Variants in AGPAT5 observed in about 807,000 individuals in gnomAD.
AGPAT5 encodes the protein 1-acylglycerol-3-phosphate O-acyltransferase 5.
AGPAT5 carries 46 observed loss-of-function variants against 45.6 expected under a neutral mutation model. The observed-to-expected ratio is 1.01, with a 90% CI of 0.80 to 1.29. The LOEUF (loss-of-function observed/expected upper bound fraction) is 1.29. Ranked by LOEUF, AGPAT5 falls within the 50% of genes most tolerant of loss-of-function variation. The pLI is 0.00. For synonymous variants in AGPAT5, 272 were observed against 167.0 expected (o/e 1.63, Z -4.85); for missense variants, 673 against 450.7 (o/e 1.49, Z -4.47).
chr8:6,720,212 A>C (rs909117194), intron 1 of AGPAT5, among the ~76,000 whole-genome samples: 5 of 152,112 alleles, frequency 3.3e-5, no homozygotes, highest in African/African-American at 1.2e-4. Context: ...CAGCTAACCG[A>C]GGGCTTATCG....
chr8:6,728,886 G>A (rs180783473), intron 2 of AGPAT5, among the ~76,000 whole-genome samples: 2 of 152,126 alleles, frequency 1.3e-5, no homozygotes, highest in Non-Finnish European at 2.9e-5. Flanking sequence ...GCTAGGGAGA[G>A]GGCTTCAACA....
intron 4 of AGPAT5, among the ~76,000 whole-genome samples, chr8:6,736,645 T>G (rs1353708772): frequency 6.6e-6 from 1 of 152,260 alleles, no homozygotes; most frequent in Non-Finnish European, 1.5e-5. Flanking sequence ...AGTGTCTTTC[T>G]CCGGAGAACA....
chr8:6,740,209 A>T (rs1046044267), intron 4 of AGPAT5, among the ~76,000 whole-genome samples: 3 of 152,044 alleles, frequency 2.0e-5, no homozygotes, highest in African/African-American at 7.2e-5. Flanking sequence ...TAATCGTTTT[A>T]TTTATAAATG....
At chr8:6,746,282 C>G (rs1801461393) in intron 5 of AGPAT5, 1 of 152,218 alleles carries the variant, frequency 6.6e-6, no homozygotes, top group Non-Finnish European at 1.5e-5. Flanking sequence ...TTCCTCTTGG[C>G]CATTCCCCTT....
intron 1 of AGPAT5, among the ~76,000 whole-genome samples, chr8:6,714,411 A>G (rs1800254330): frequency 2.0e-5 from 3 of 152,234 alleles, no homozygotes; most frequent in Admixed American, 1.3e-4. Flanking sequence ...GAACTGCTTA[A>G]CTTACTAGAC....
In AGPAT5 at chr8:6,730,318, C is replaced by CTTTTTTTTTTTT. The variant is rs1238035929; in HGVS notation, c.290-374_290-363dup. On this transcript the variant is annotated intron_variant, in intron 2 of 7. Coordinates refer to ENST00000285518, the MANE Select transcript of AGPAT5 (RefSeq NM_018361.5). ...AATTTTAAACATCCTAATCATAGGA[C>CTTTTTTTTTTTT]TTTTTTTTTTTTTTTTTTTTTTTTT... Among the ~76,000 whole-genome samples the CTTTTTTTTTTTT allele has an allele frequency of 6.8e-5, 2 of 29,534 alleles. 1 individual carries two copies. Among genetic ancestry groups the CTTTTTTTTTTTT allele is most frequent in the Non-Finnish European group, 1.0e-4 (2 of 19,208 alleles). 19.4% of individuals were successfully genotyped at this position (29,534 alleles called of 152,430 possible).
chr8:6,747,621 G>A lies in AGPAT5; in HGVS notation c.587-49G>A, dbSNP rs183114257. Reference sequence around the variant, plus strand: ...TAATTTAGATGTTAAACAGTATATTGTGGAGGTGTTTTGTAACTAATTAAT... The same window carrying A: ...TAATTTAGATGTTAAACAGTATATTATGGAGGTGTTTTGTAACTAATTAAT... On this transcript the variant is annotated intron_variant, in intron 5 of 7. Coordinates refer to ENST00000285518, the MANE Select transcript of AGPAT5 (RefSeq NM_018361.5). 2.5e-3 allele frequency: 3,875 copies of A among 1,531,494 alleles called. 118 individuals are homozygous for A. The South Asian group carries it at 0.042, about 17-fold the overall frequency. 94.9% of individuals were successfully genotyped at this position (1,531,494 alleles called of 1,614,324 possible).
At position 6,719,436 on chromosome 8, in the gene AGPAT5, C is replaced by CT. The variant is rs373802039; in HGVS notation, c.220-5432dup. Among the ~76,000 whole-genome samples, 284 of 152,290 alleles carry CT rather than the reference C, an allele frequency of 1.9e-3. 2 individuals are homozygous for CT. Among genetic ancestry groups the CT allele is most frequent in the African/African-American group, 6.6e-3 (274 of 41,566 alleles). The stretch of plus-strand genomic sequence containing the variant: ...GATGAAAAGATTAGAAACATAAAGC[C>CT]TTCCATCACAATTCCCACCCGGAAC... On this transcript the variant is annotated intron_variant, in intron 1 of 7. Coordinates refer to ENST00000285518, the MANE Select transcript of AGPAT5 (RefSeq NM_018361.5).
rs1005399435 is a variant in AGPAT5, at chr8:6,761,393, C to G, written c.*4005C>G. Among the ~76,000 whole-genome samples the G allele has an allele frequency of 2.6e-5, 4 of 152,050 alleles. No homozygotes were observed. Among genetic ancestry groups the G allele is most frequent in the African/African-American group, 9.7e-5 (4 of 41,434 alleles). On this transcript the variant is annotated 3_prime_UTR_variant, in exon 8 of 8. Transcript: ENST00000285518. ...GTCTCCAGCAGGCAAGAATACTTGA[C>G]TAACTCTTTTTGTCTCTTTATGGTA...
chr8:6,744,464 C>T (rs1299273935), intron 5 of AGPAT5, among the ~76,000 whole-genome samples: 2 of 152,204 alleles, frequency 1.3e-5, no homozygotes, highest in African/African-American at 4.8e-5. Context: ...TGAAATGGGT[C>T]TTACTCAGCT....
rs1325132896 is a variant in AGPAT5 at position 6,741,679 on chromosome 8, C to T, written c.514C>T (p.Pro172Ser). The change falls in exon 5 of 8, where the codon CCA (proline) becomes TCA (serine). Residue 172 changes from proline to serine, a missense_variant. Transcript: ENST00000285518. ...AGTPMYLVIFPEGTRYNPEQT... is the reference protein window; with the variant it reads ...AGTPMYLVIFSEGTRYNPEQT... ...CCCACAGATGTATCTTGTGATTTTT[C>T]CAGAAGGTACAAGGTATAATCCAGA... The T allele has an allele frequency of 6.2e-7, 1 of 1,605,472 alleles. No individual in the cohort carries two copies.
At chr8:6,743,667 C>G (rs1801318835) in intron 5 of AGPAT5, among the ~76,000 whole-genome samples, 1 of 151,992 alleles carries the variant, frequency 6.6e-6, no homozygotes, top group South Asian at 2.1e-4. Context: ...ACTAATTTTC[C>G]TTAGACTTGT....
At chr8:6,725,082 G>A (rs1211850393) in intron 2 of AGPAT5, 143 bp downstream of exon 2, 1 of 321,878 alleles carries the variant, frequency 3.1e-6, no homozygotes, top group African/African-American at 2.1e-5. Context: ...TTGTATTTTT[G>A]TGATTTTACT....
intron 1 of AGPAT5, among the ~76,000 whole-genome samples, chr8:6,722,042 A>T (rs2928626): frequency 6.6e-6 from 1 of 151,796 alleles, no homozygotes; most frequent in South Asian, 2.1e-4. Context: ...AAATTGTGAA[A>T]AAGTGACTAG....
intron 2 of AGPAT5, among the ~76,000 whole-genome samples, chr8:6,726,794 A>G (rs1421293330): frequency 1.3e-5 from 2 of 152,174 alleles, no homozygotes; most frequent in African/African-American, 4.8e-5. Context: ...GTGACTTTGT[A>G]TCACCGCTCT....
Position 6,708,887 on chromosome 8 carries a change from G to A in AGPAT5, c.219G>A (p.Gln73=). Residue 73 remains glutamine (Q), a splice_region_variant and synonymous_variant, in exon 1 of 8, where the codon CAG becomes CAA. Transcript: ENST00000285518. ...TCTTCGAGAATTACACCGGGGTCCAGGTGAGCCGCCTCCCGCTCCCGGGTC... is the reference window on the plus strand; with the variant it reads ...TCTTCGAGAATTACACCGGGGTCCAAGTGAGCCGCCTCCCGCTCCCGGGTC... ...LFFFENYTGV[Q]ILLYGDLPKN... The A allele has an allele frequency of 6.2e-7, 1 of 1,600,532 alleles. No homozygotes were observed. The highest frequency in any genetic ancestry group is 8.5e-7 in the Non-Finnish European group (1 of 1,174,200).
intron 1 of AGPAT5, among the ~76,000 whole-genome samples, chr8:6,711,650 A>G (rs959241146): frequency 6.6e-6 from 1 of 152,228 alleles, no homozygotes; most frequent in African/African-American, 2.4e-5. Flanking sequence ...TTAAAATAAT[A>G]GAACTTAAGT....
rs563268056 is a variant in AGPAT5, at chr8:6,754,681, G to A, written c.746-370G>A. On this transcript the variant is annotated intron_variant, in intron 6 of 7. Transcript: ENST00000285518. ...ACTAGGATGGGGCTGGTGGTGGTAG[G>A]CATTTGCGGGTCCCTTCAGAGAGGT... Among the ~76,000 whole-genome samples, 44 of 152,254 alleles carry A rather than the reference G, an allele frequency of 2.9e-4. 1 individual carries two copies. The South Asian group carries it at 9.1e-3, about 32-fold the overall frequency.
intron 2 of AGPAT5, among the ~76,000 whole-genome samples, chr8:6,727,407 A>T: frequency 6.7e-6 from 1 of 149,426 alleles, no homozygotes. Context: ...TTTGAGATGG[A>T]GTTTCACTCT....
Sources: gnomAD v4.1 joint callset for allele counts (sites outside exome capture counted in the v4.1 genomes callset) on GRCh38, gnomAD v4.1.1 for gene constraint, MANE v1.5 for transcripts, NCBI Gene and HGNC (gene_info 2026-07-23, HGNC 2026-07-21) for gene names.